DLGAP1: variants seen among roughly 807,000 people sequenced by gnomAD.
DLGAP1 encodes DLG associated protein 1.
Under a neutral mutation model 90.8 loss-of-function variants are expected in DLGAP1, and 11 were observed. The observed-to-expected ratio is 0.12, with a 90% CI of 0.08 to 0.20. The LOEUF (loss-of-function observed/expected upper bound fraction) is 0.20. DLGAP1 is among the 10% of genes least tolerant of loss of function. The pLI is 1.00. For missense variants in DLGAP1, 1,050 were observed against 1,333.8 expected (o/e 0.79, Z 3.31); for synonymous variants, 558 against 540.7 (o/e 1.03, Z -0.44).
chr18:3,597,158 CT>C (rs751943299), intron 7 of DLGAP1: 2 of 404,412 alleles, frequency 4.9e-6, no homozygotes, highest in South Asian at 1.9e-5. Context: ...TTTCTGTACT[CT>C]GTCTGTTTGC....
chr18:4,240,761 A>C (rs147617545), intron 1 of DLGAP1, among the ~76,000 whole-genome samples: 219 of 152,308 alleles, frequency 1.4e-3, no homozygotes, highest in African/African-American at 5.0e-3. Flanking sequence ...AAATTTGGAA[A>C]GTATTTTGTT....
intron 7 of DLGAP1, among the ~76,000 whole-genome samples, chr18:3,588,986 A>T (rs1414436486): frequency 6.6e-6 from 1 of 152,074 alleles, no homozygotes; most frequent in Non-Finnish European, 1.5e-5. Context: ...GTTCGAAACC[A>T]GCCTGGTCAA....
chr18:3,684,783 A>T (rs1346578233), intron 7 of DLGAP1, among the ~76,000 whole-genome samples: 1 of 147,340 alleles, frequency 6.8e-6, no homozygotes, highest in East Asian at 2.0e-4. Flanking sequence ...AGGAAAAAAA[A>T]TGTCACTTAG....
chr18:4,407,098 A>G (rs777688310), intron 1 of DLGAP1, among the ~76,000 whole-genome samples: 3 of 152,196 alleles, frequency 2.0e-5, no homozygotes, highest in Non-Finnish European at 4.4e-5. Flanking sequence ...GGCTTACTCC[A>G]TGCAATTCTA....
At chr18:3,541,933 T>G (rs1387565079) in intron 9 of DLGAP1, among the ~76,000 whole-genome samples, 1 of 152,058 alleles carries the variant, frequency 6.6e-6, no homozygotes, top group Non-Finnish European at 1.5e-5. Context: ...AACAGTCCTA[T>G]TCACTGAGGC....
intron 2 of DLGAP1, among the ~76,000 whole-genome samples, chr18:4,146,993 G>A (rs1198520005): frequency 6.6e-6 from 1 of 152,068 alleles, no homozygotes. Flanking sequence ...AAGAAAAGTA[G>A]GAAAAATTTA....
At chr18:3,666,883 A>T (rs2059902729) in intron 7 of DLGAP1, among the ~76,000 whole-genome samples, 1 of 146,988 alleles carries the variant, frequency 6.8e-6, no homozygotes, top group Non-Finnish European at 1.5e-5. Flanking sequence ...CAGCCTCCGT[A>T]GTAGCTGCAA....
At chr18:3,669,197 G>A (rs1220455313) in intron 7 of DLGAP1, among the ~76,000 whole-genome samples, 1 of 150,868 alleles carries the variant, frequency 6.6e-6, no homozygotes, top group African/African-American at 2.4e-5. Context: ...TTCTTATTTT[G>A]CACTGCATCT....
chr18:4,188,319 T>G (rs1456272034), intron 1 of DLGAP1, among the ~76,000 whole-genome samples: 1 of 152,302 alleles, frequency 6.6e-6, no homozygotes, highest in African/African-American at 2.4e-5. Context: ...TTTTTAAAAT[T>G]TATTTTAAGT....
chr18:4,310,944 A>G (rs1294933215), intron 1 of DLGAP1, among the ~76,000 whole-genome samples: 1 of 152,114 alleles, frequency 6.6e-6, no homozygotes, highest in Non-Finnish European at 1.5e-5. Flanking sequence ...GCCTTACAGA[A>G]CACCTTAGTA....
At chr18:3,580,809 C>A in intron 8 of DLGAP1, 7 of 1,563,660 alleles carry the variant, frequency 4.5e-6, no homozygotes, top group African/African-American at 1.4e-5. Flanking sequence ...AAGCGTCTTC[C>A]ACCTGCCGTG....
intron 1 of DLGAP1, among the ~76,000 whole-genome samples, chr18:4,187,949 G>T (rs1463265105): frequency 6.6e-6 from 1 of 152,152 alleles, no homozygotes; most frequent in Non-Finnish European, 1.5e-5. Flanking sequence ...AATGAGCAGA[G>T]ATCGTGCCAC....
intron 10 of DLGAP1, among the ~76,000 whole-genome samples, chr18:3,520,938 A>G (rs981227424): frequency 3.3e-5 from 5 of 152,176 alleles, no homozygotes; most frequent in South Asian, 2.1e-4. Flanking sequence ...GGGTCTCCCA[A>G]CAACGCTCTC....
chr18:4,161,515 C>A (rs1409319526), intron 1 of DLGAP1, among the ~76,000 whole-genome samples: 1 of 152,206 alleles, frequency 6.6e-6, no homozygotes, highest in Middle Eastern at 3.4e-3. Context: ...TGGGTTGATT[C>A]CATGTCTTTG....
chr18:4,309,194 C>T (rs1424797556), intron 1 of DLGAP1, among the ~76,000 whole-genome samples: 2 of 152,140 alleles, frequency 1.3e-5, no homozygotes, highest in East Asian at 3.8e-4. Context: ...TGAGAATACA[C>T]ACTTTGTTCA....
At chr18:4,062,766 T>C (rs72871149) in intron 2 of DLGAP1, among the ~76,000 whole-genome samples, 67 of 152,248 alleles carry the variant, frequency 4.4e-4, no homozygotes, top group Non-Finnish European at 6.6e-4. Context: ...AACTATAGTA[T>C]ACCTGTTATT....
chr18:3,616,478 A>G (rs980100490), intron 7 of DLGAP1, among the ~76,000 whole-genome samples: 2 of 152,040 alleles, frequency 1.3e-5, no homozygotes, highest in African/African-American at 4.8e-5. Flanking sequence ...GGCCAGGTGC[A>G]GTGGCTCACA....
At chr18:3,582,669 T>C (rs2055592199) in intron 7 of DLGAP1, among the ~76,000 whole-genome samples, 1 of 152,130 alleles carries the variant, frequency 6.6e-6, no homozygotes, top group Non-Finnish European at 1.5e-5. Context: ...GAAGAGATTT[T>C]AGTGGTTGAT....
At chr18:4,158,547 G>C (rs943668359) in intron 1 of DLGAP1, among the ~76,000 whole-genome samples, 1 of 152,068 alleles carries the variant, frequency 6.6e-6, no homozygotes, top group African/African-American at 2.4e-5. Context: ...TTTGGAAATA[G>C]AACACCTTCT....
Sources: allele counts gnomAD v4.1 joint callset (sites outside exome capture counted in the v4.1 genomes callset), GRCh38; gene constraint gnomAD v4.1.1; transcripts MANE v1.5; gene names NCBI Gene and HGNC (gene_info 2026-07-23, HGNC 2026-07-21).